The following C2orf49 variants were observed in gnomAD, a reference collection of about 807,000 sequenced individuals.
The protein encoded by C2orf49 is tRNA-splicing ligase complex subunit ASW.
C2orf49 carries 11 observed loss-of-function variants against 20.6 expected under a neutral mutation model. The ratio of observed to expected loss-of-function variants is 0.53; its 90% confidence interval spans 0.34 to 0.88. C2orf49 has a LOEUF of 0.88. Ranked by LOEUF, C2orf49 falls within the 40% of genes least tolerant of loss-of-function variation. C2orf49 has a pLI of 0.02. For synonymous variants in C2orf49, 134 were observed against 108.5 expected, an observed-to-expected ratio of 1.24 and a Z score of -1.46; for missense variants, 289 against 274.2, an observed-to-expected ratio of 1.05 and a Z score of -0.38.
In C2orf49 at chr2:105,347,306, G is replaced by A. The variant is rs1573249837; in HGVS notation, c.*1935G>A. ...GGGGATTTTAAAAGTGCAGATTATA[G>A]AGTAGATTGACAAATTTTATTTTAT... On this transcript the variant is annotated 3_prime_UTR_variant, in exon 4 of 4. Transcript: ENST00000258457. 6.6e-6 allele frequency: 1 copy of A among 152,206 alleles called. No individual in the cohort carries two copies. Among genetic ancestry groups the A allele is most frequent in the Admixed American group, 6.5e-5 (1 of 15,280 alleles). The allele number at this position is 152,206 out of a possible 1,614,324, so 9.4% of individuals were successfully genotyped here.
downstream of C2orf49, among the ~76,000 whole-genome samples, chr2:105,349,981 A>T (rs1679899392): frequency 1.3e-5 from 2 of 152,112 alleles, no homozygotes; most frequent in Non-Finnish European, 2.9e-5. Context: ...CTACTCTTAC[A>T]CTTGGACTTC....
At chr2:105,367,998 C>T in the C2orf49 span, among the ~76,000 whole-genome samples, 1 of 152,106 alleles carries the variant, frequency 6.6e-6, no homozygotes, top group African/African-American at 2.4e-5. Context: ...TTATTGAATA[C>T]CGTGGTTAGG....
At chr2:105,384,490 C>T in the C2orf49 span, among the ~76,000 whole-genome samples, 1 of 152,112 alleles carries the variant, frequency 6.6e-6, no homozygotes, top group Non-Finnish European at 1.5e-5. Context: ...ATGAAGCAGA[C>T]CCCTGGTTCT....
At chr2:105,367,610 T>A in the C2orf49 span, 1 of 1,614,210 alleles carries the variant, frequency 6.2e-7, no homozygotes, top group Non-Finnish European at 8.5e-7. Flanking sequence ...TTGTTTCTCA[T>A]AGCAGGGCAC....
At position 105,348,527 on chromosome 2, in the gene C2orf49, C is replaced by CATATATATATATATATATATATAT. The variant is rs10533537; in HGVS notation, c.*3163_*3186dup. The CATATATATATATATATATATATAT allele has an allele frequency of 1.5e-5, 2 of 132,426 alleles. No individual in the cohort carries two copies. Among genetic ancestry groups the CATATATATATATATATATATATAT allele is most frequent in the African/African-American group, 5.6e-5 (2 of 35,506 alleles). 8.2% of individuals were successfully genotyped at this position (132,426 alleles called of 1,614,324 possible). A position where few individuals can be genotyped will look rare whatever the true frequency, so the allele number is the denominator to read the frequency against. ...AAGTAAAACTGCCAGTAGATTAAATCATATATATATATATATATATATATA... is the reference window on the plus strand; with the variant it reads ...AAGTAAAACTGCCAGTAGATTAAATCATATATATATATATATATATATATATATATATATATATATATATATATA... On this transcript the variant is annotated 3_prime_UTR_variant, in exon 4 of 4. Transcript: ENST00000258457.
At chr2:105,384,185 A>T in the C2orf49 span, among the ~76,000 whole-genome samples, 2 of 152,212 alleles carry the variant, frequency 1.3e-5, no homozygotes, top group South Asian at 2.1e-4. Flanking sequence ...TTGCCAGATG[A>T]TATCTGAACC....
At chr2:105,372,004 C>G in the C2orf49 span, among the ~76,000 whole-genome samples, 306 of 152,216 alleles carry the variant, frequency 2.0e-3, 2 homozygotes, top group African/African-American at 7.1e-3. Flanking sequence ...CTGGAGCTGC[C>G]CCATCTAAAG....
the C2orf49 span, among the ~76,000 whole-genome samples, chr2:105,355,180 C>G: frequency 0.43 from 65,519 of 151,636 alleles, 14,864 homozygotes; most frequent in Non-Finnish European, 0.51. Context: ...CCTTTTCATG[C>G]ATGGAGGGAG....
chr2:105,370,218 A>C, the C2orf49 span, among the ~76,000 whole-genome samples: 712 of 150,252 alleles, frequency 4.7e-3, 5 homozygotes, highest in Non-Finnish European at 8.1e-3. Context: ...ACCCCCCCAA[A>C]AAAAAAATTA....
At chr2:105,342,804 C>T (rs763565535) in intron 2 of C2orf49, 44 bp from the exon 3 acceptor site, 10 of 1,550,912 alleles carry the variant, frequency 6.4e-6, no homozygotes, top group African/African-American at 4.1e-5. Flanking sequence ...ACTGGTTTGC[C>T]GTTCCAGATG....
chr2:105,385,434 A>T, the C2orf49 span, among the ~76,000 whole-genome samples: 1 of 152,212 alleles, frequency 6.6e-6, no homozygotes, highest in South Asian at 2.1e-4. Flanking sequence ...ACGACCAGGG[A>T]GGAGAGCAGC....
downstream of C2orf49, among the ~76,000 whole-genome samples, chr2:105,352,429 G>GTTTTTTTTTTTTTTTTTTTTTGTTTT (rs61585149): frequency 2.5e-5 from 2 of 80,758 alleles, no homozygotes; most frequent in Non-Finnish European, 4.3e-5. Context: ...GTTTGTTTGG[G>GTTTTTTTTTTTTTTTTTTTTTGTTTT]TTTTTTTTTT....
At chr2:105,369,980 G>A in the C2orf49 span, among the ~76,000 whole-genome samples, 10 of 152,240 alleles carry the variant, frequency 6.6e-5, no homozygotes, top group Admixed American at 6.5e-4. Context: ...CCGGCAGGTG[G>A]CAGGAGCGTT....
chr2:105,354,430 C>T, the C2orf49 span, among the ~76,000 whole-genome samples: 5 of 152,106 alleles, frequency 3.3e-5, no homozygotes, highest in East Asian at 1.9e-4. Context: ...TGTGGGAGGC[C>T]GAGGTGGGCT....
downstream of C2orf49, among the ~76,000 whole-genome samples, chr2:105,353,619 G>A (rs572887012): frequency 3.3e-5 from 5 of 152,182 alleles, no homozygotes; most frequent in Admixed American, 6.5e-5. Flanking sequence ...GCAGTCTTGA[G>A]TAAGCTTTAT....
chr2:105,376,583 A>G, the C2orf49 span: 1 of 152,260 alleles, frequency 6.6e-6, no homozygotes, highest in Non-Finnish European at 1.5e-5. Flanking sequence ...AAATGCATTA[A>G]GAATAAATTT....
At chr2:105,357,122 C>T in the C2orf49 span, among the ~76,000 whole-genome samples, 9 of 152,138 alleles carry the variant, frequency 5.9e-5, no homozygotes, top group Non-Finnish European at 1.3e-4. Context: ...TAGTCATGAA[C>T]TCTGAAAAAA....
At chr2:105,383,353 C>T in the C2orf49 span, among the ~76,000 whole-genome samples, 1 of 152,220 alleles carries the variant, frequency 6.6e-6, no homozygotes. Context: ...TTAGCATTGT[C>T]TATTCTCCAC....
intron 1 of C2orf49, among the ~76,000 whole-genome samples, chr2:105,337,946 T>C (rs1040845990): frequency 6.6e-6 from 1 of 151,598 alleles, no homozygotes; most frequent in Non-Finnish European, 1.5e-5. Flanking sequence ...TAAAGAGGAG[T>C]CCCAGGCGAC....
Sources: gnomAD v4.1 joint callset for allele counts (sites outside exome capture counted in the v4.1 genomes callset) on GRCh38, gnomAD v4.1.1 for gene constraint, MANE v1.5 for transcripts, NCBI Gene and HGNC (gene_info 2026-07-23, HGNC 2026-07-21) for gene names.